Variants in CENPW observed in about 807,000 individuals in gnomAD.
The protein encoded by CENPW is cancer-up-regulated gene 2 protein.
CENPW carries 3 observed loss-of-function variants against 11.1 expected under a neutral mutation model. The ratio of observed to expected loss-of-function variants is 0.27; its 90% confidence interval spans 0.12 to 0.70. The LOEUF is 0.70. CENPW is among the 30% of genes least tolerant of loss of function. The pLI is 0.77. For missense variants in CENPW, 100 were observed against 105.6 expected, an observed-to-expected ratio of 0.95 and a Z score of 0.23; for synonymous variants, 38 against 42.0, an observed-to-expected ratio of 0.91 and a Z score of 0.37.
the CENPW span, among the ~76,000 whole-genome samples, chr6:126,411,645 T>C: frequency 4.6e-5 from 7 of 152,074 alleles, no homozygotes; most frequent in Non-Finnish European, 7.4e-5. Context: ...AGGTTGTAGC[T>C]GTGACTCTAC....
the CENPW span, among the ~76,000 whole-genome samples, chr6:126,412,561 G>T: frequency 6.6e-6 from 1 of 152,004 alleles, no homozygotes; most frequent in Non-Finnish European, 1.5e-5. Context: ...GAATTGTTGA[G>T]CTTTTTCATT....
At chr6:126,435,209 C>T in the CENPW span, among the ~76,000 whole-genome samples, 1 of 151,812 alleles carries the variant, frequency 6.6e-6, no homozygotes, top group East Asian at 1.9e-4. Flanking sequence ...ATTGTTTTTC[C>T]TCTTTTTAAT....
At chr6:126,361,552 C>T in the CENPW span, among the ~76,000 whole-genome samples, 8 of 152,196 alleles carry the variant, frequency 5.3e-5, no homozygotes, top group African/African-American at 1.9e-4. Flanking sequence ...GCCTTGGCCT[C>T]CCAAAGTGCT....
At chr6:126,414,757 G>GA in the CENPW span, among the ~76,000 whole-genome samples, 144 of 149,214 alleles carry the variant, frequency 9.7e-4, no homozygotes, top group Admixed American at 5.7e-3. Context: ...AATTAGTAGA[G>GA]AAAAATAAAT....
the CENPW span, among the ~76,000 whole-genome samples, chr6:126,368,898 C>T: frequency 6.6e-6 from 1 of 151,996 alleles, no homozygotes; most frequent in Non-Finnish European, 1.5e-5. Flanking sequence ...ACGTGACTCG[C>T]CTCCCAAAGT....
the CENPW span, among the ~76,000 whole-genome samples, chr6:126,397,097 C>G: frequency 2.0e-5 from 3 of 152,162 alleles, no homozygotes. Context: ...CCACTTGACT[C>G]CAAGCCCAGC....
chr6:126,450,208 T>C, the CENPW span, among the ~76,000 whole-genome samples: 16 of 151,160 alleles, frequency 1.1e-4, no homozygotes, highest in Non-Finnish European at 1.8e-4. Context: ...TATTTTGCTA[T>C]ATCTTCTATG....
chr6:126,445,875 A>G, the CENPW span, among the ~76,000 whole-genome samples: 13 of 151,298 alleles, frequency 8.6e-5, no homozygotes, highest in East Asian at 1.8e-3. Flanking sequence ...CTCACCTAAT[A>G]AAAAGGGAAG....
chr6:126,405,599 A>G, the CENPW span, among the ~76,000 whole-genome samples: 3 of 152,062 alleles, frequency 2.0e-5, no homozygotes, highest in African/African-American at 7.2e-5. Flanking sequence ...TTGGTAGTAC[A>G]GTTATTAGAA....
At chr6:126,475,955 C>T in the CENPW span, among the ~76,000 whole-genome samples, 436 of 151,918 alleles carry the variant, frequency 2.9e-3, 2 homozygotes, top group African/African-American at 0.01. Flanking sequence ...GTCTGTGTCA[C>T]GTTAGAGCTA....
At chr6:126,405,806 G>C in the CENPW span, among the ~76,000 whole-genome samples, 1 of 151,906 alleles carries the variant, frequency 6.6e-6, no homozygotes, top group African/African-American at 2.4e-5. Flanking sequence ...CATTATTTGT[G>C]TATAGAAATG....
the CENPW span, among the ~76,000 whole-genome samples, chr6:126,467,817 A>AGTCTGAC: frequency 6.6e-6 from 1 of 152,178 alleles, no homozygotes; most frequent in Non-Finnish European, 1.5e-5. Context: ...ATAGTGGAGA[A>AGTCTGAC]GTCTGACAAA....
the CENPW span, among the ~76,000 whole-genome samples, chr6:126,358,861 GAA>G: frequency 6.6e-6 from 1 of 151,844 alleles, no homozygotes; most frequent in Non-Finnish European, 1.5e-5. Context: ...AATCATAAAT[GAA>G]AAGAAAAATC....
chr6:126,438,104 G>GA, the CENPW span, among the ~76,000 whole-genome samples: 1 of 151,218 alleles, frequency 6.6e-6, no homozygotes, highest in African/African-American at 2.4e-5. Flanking sequence ...TACCCTGGAA[G>GA]AAAATGTGAT....
chr6:126,451,925 G>A, the CENPW span, among the ~76,000 whole-genome samples: 2 of 151,108 alleles, frequency 1.3e-5, no homozygotes, highest in Non-Finnish European at 3.0e-5. Flanking sequence ...ATGCACATGT[G>A]TGGATCTGAT....
the CENPW span, among the ~76,000 whole-genome samples, chr6:126,396,746 A>G: frequency 2.0e-5 from 3 of 152,078 alleles, no homozygotes; most frequent in Admixed American, 6.5e-5. Context: ...TTCAAAGCCC[A>G]AGGGCTCTTC....
At chr6:126,364,488 C>G in the CENPW span, among the ~76,000 whole-genome samples, 1 of 152,162 alleles carries the variant, frequency 6.6e-6, no homozygotes, top group Non-Finnish European at 1.5e-5. Flanking sequence ...TTCTCCTACT[C>G]TCTCCAGAGA....
At chr6:126,393,572 AT>A in the CENPW span, among the ~76,000 whole-genome samples, 251 of 151,258 alleles carry the variant, frequency 1.7e-3, 1 homozygote, top group South Asian at 3.5e-3. Flanking sequence ...TTTAATTACC[AT>A]TTTTTTATGT....
At chr6:126,381,682 C>G in the CENPW span, among the ~76,000 whole-genome samples, 1 of 152,182 alleles carries the variant, frequency 6.6e-6, no homozygotes, top group Non-Finnish European at 1.5e-5. Flanking sequence ...GCTGCTGACA[C>G]GTGAATAAAT....
Sources: gnomAD v4.1 joint callset for allele counts (sites outside exome capture counted in the v4.1 genomes callset) on GRCh38, gnomAD v4.1.1 for gene constraint, MANE v1.5 for transcripts, NCBI Gene and HGNC (gene_info 2026-07-23, HGNC 2026-07-21) for gene names.